The following COL5A2 variants were observed in gnomAD, a reference collection of about 807,000 sequenced individuals.
The protein encoded by COL5A2 is collagen type V alpha 2 chain, also known as collagen alpha-2(V) chain.
Under a neutral mutation model 208.2 loss-of-function variants are expected in COL5A2, and 23 were observed. That is an observed-to-expected ratio of 0.11 (90% CI 0.08 to 0.16). COL5A2 has a LOEUF of 0.16. Ranked by LOEUF, COL5A2 falls within the 10% of genes least tolerant of loss-of-function variation. The pLI is 1.00. For synonymous variants in COL5A2, 625 were observed against 628.5 expected (o/e 0.99, Z 0.08); for missense variants, 1,590 against 1,956.4 (o/e 0.81, Z 3.53).
chr2:189,049,416 T>C lies in COL5A2; in HGVS notation c.3078A>G (p.Gly1026=). Residue 1026 remains glycine, a synonymous_variant, in exon 44 of 54, where the codon GGA becomes GGG. Transcript: ENST00000374866. ...CCACAGGTCCAGGTGGACCTTTATC[T>C]CCTGTTGCACCAGTTGGTCCTACTT... ...PGKVGPTGAT[G]DKGPPGPVGP... 1 of 1,613,670 alleles carries C rather than the reference T, an allele frequency of 6.2e-7. No individual in the cohort carries two copies. Among genetic ancestry groups the C allele is most frequent in the South Asian group, 1.1e-5 (1 of 90,858 alleles).
chr2:189,312,079 T>G, the COL5A2 span: 2 of 774,998 alleles, frequency 2.6e-6, no homozygotes, highest in Admixed American at 3.4e-5. Context: ...GCATTGTCGA[T>G]CTGCAGAATG....
intron 48 of COL5A2, 72 bp downstream of exon 48, chr2:189,043,079 A>C: frequency 9.1e-7 from 1 of 1,094,894 alleles, no homozygotes. Flanking sequence ...TTACAGACAG[A>C]TAAATGTTCG....
In COL5A2 at chr2:189,043,911, T is replaced by C. The variant is rs555480337; in HGVS notation, c.3364-653A>G. Among the ~76,000 whole-genome samples, 48 of 152,318 alleles carry C rather than the reference T, an allele frequency of 3.2e-4. 1 individual carries two copies. The highest frequency in any genetic ancestry group is 6.8e-3 in the Middle Eastern group (2 of 294). ...TGATCTACGGCTACAAAGAAAGCCG[T>C]AGTTAGGGATCTTATTTTGAGATAG... On this transcript the variant is annotated intron_variant, in intron 47 of 53. Transcript: ENST00000374866.
chr2:189,098,907 T>A, intron 4 of COL5A2, 148 bp from the exon 5 acceptor site: 1 of 636,658 alleles, frequency 1.6e-6, no homozygotes, highest in Non-Finnish European at 2.9e-6. Flanking sequence ...CCTCCTCTCC[T>A]TAAGATTTAA....
At chr2:189,220,586 T>C (rs1039609135) in intron 1 of COL5A2, among the ~76,000 whole-genome samples, 1 of 152,132 alleles carries the variant, frequency 6.6e-6, no homozygotes. Context: ...AAATCAAATA[T>C]CACTTAGATA....
At chr2:189,396,381 A>C in the COL5A2 span, among the ~76,000 whole-genome samples, 1 of 152,180 alleles carries the variant, frequency 6.6e-6, no homozygotes, top group Non-Finnish European at 1.5e-5. Context: ...AAGTATAGTT[A>C]AGAATAAATG....
chr2:189,051,203 A>C, intron 42 of COL5A2, 117 bp downstream of exon 42: 1 of 1,322,802 alleles, frequency 7.6e-7, no homozygotes, highest in Non-Finnish European at 1.1e-6. Flanking sequence ...GCACTTTAAA[A>C]ATTTTAGGAA....
intron 1 of COL5A2, among the ~76,000 whole-genome samples, chr2:189,194,581 T>C (rs1688974031): frequency 6.6e-6 from 1 of 152,208 alleles, no homozygotes; most frequent in Admixed American, 6.5e-5. Flanking sequence ...GTATAATTAA[T>C]TTAGCCACTT....
chr2:189,221,477 T>C (rs1467203041), intron 1 of COL5A2, among the ~76,000 whole-genome samples: 1 of 152,070 alleles, frequency 6.6e-6, no homozygotes, highest in East Asian at 1.9e-4. Flanking sequence ...CATAGGAACA[T>C]AAATCCTTGG....
At chr2:189,112,440 AATT>A (rs1171555726) in intron 1 of COL5A2, among the ~76,000 whole-genome samples, 4 of 152,196 alleles carry the variant, frequency 2.6e-5, no homozygotes, top group Admixed American at 6.5e-5. Flanking sequence ...TGCTTTATAT[AATT>A]ATTATTTGTC....
At chr2:189,163,677 C>T (rs970199174) in intron 1 of COL5A2, among the ~76,000 whole-genome samples, 1 of 152,176 alleles carries the variant, frequency 6.6e-6, no homozygotes, top group Non-Finnish European at 1.5e-5. Flanking sequence ...TGTGATGCTT[C>T]GAGTTACCAA....
At chr2:189,065,770 A>G (rs1686135036) in intron 23 of COL5A2, among the ~76,000 whole-genome samples, 1 of 152,186 alleles carries the variant, frequency 6.6e-6, no homozygotes, top group Non-Finnish European at 1.5e-5. Flanking sequence ...TGCTCCAGTC[A>G]CAGCTACCTC....
the COL5A2 span, among the ~76,000 whole-genome samples, chr2:189,287,028 G>T: frequency 6.6e-6 from 1 of 152,012 alleles, no homozygotes; most frequent in Admixed American, 6.6e-5. Flanking sequence ...GAAAGATATG[G>T]TTTATACTTT....
chr2:189,281,955 G>C, the COL5A2 span, among the ~76,000 whole-genome samples: 1 of 152,194 alleles, frequency 6.6e-6, no homozygotes, highest in East Asian at 1.9e-4. Flanking sequence ...AGGCCGAGAA[G>C]GGTGGATCAC....
the COL5A2 span, among the ~76,000 whole-genome samples, chr2:189,274,747 A>C: frequency 6.6e-6 from 1 of 151,062 alleles, no homozygotes; most frequent in Non-Finnish European, 1.5e-5. Context: ...TGCCAAAGAC[A>C]AAAAAAAACA....
the COL5A2 span, among the ~76,000 whole-genome samples, chr2:189,289,946 T>TTCAATGAC: frequency 2.0e-5 from 3 of 152,150 alleles, no homozygotes; most frequent in Admixed American, 6.5e-5. Context: ...CTATCAAAAG[T>TTCAATGAC]TCAATGACAT....
the COL5A2 span, among the ~76,000 whole-genome samples, chr2:189,257,298 C>T: frequency 6.6e-6 from 1 of 152,164 alleles, no homozygotes; most frequent in Non-Finnish European, 1.5e-5. Flanking sequence ...AATCTTGGCA[C>T]ACTGTGAAAG....
chr2:189,371,891 A>T, the COL5A2 span, among the ~76,000 whole-genome samples: 1 of 152,266 alleles, frequency 6.6e-6, no homozygotes, highest in Non-Finnish European at 1.5e-5. Flanking sequence ...TGCTAGAAAG[A>T]TTAACATGAC....
the COL5A2 span, among the ~76,000 whole-genome samples, chr2:189,313,657 A>G: frequency 2.6e-5 from 4 of 152,340 alleles, no homozygotes; most frequent in South Asian, 8.3e-4. Flanking sequence ...CAAGCTGGAT[A>G]AAGAACCAAG....
Sources: allele counts gnomAD v4.1 joint callset (sites outside exome capture counted in the v4.1 genomes callset), GRCh38; gene constraint gnomAD v4.1.1; transcripts MANE v1.5; gene names NCBI Gene and HGNC (gene_info 2026-07-23, HGNC 2026-07-21).